Variants in PXDNL observed in about 807,000 individuals in gnomAD.
The protein encoded by PXDNL is probable oxidoreductase PXDNL.
In PXDNL, 145 loss-of-function variants were observed where a neutral mutation model predicts 150.8. That is an observed-to-expected ratio of 0.96 (90% CI 0.84 to 1.10). The LOEUF (loss-of-function observed/expected upper bound fraction) is 1.10, where lower values mean the gene tolerates loss of function less well. Ranked by LOEUF, PXDNL falls within the 50% of genes least tolerant of loss-of-function variation. The probability of loss-of-function intolerance (pLI) is 0.00; values close to 1 mark genes in which losing one functional copy is unlikely to be tolerated. For synonymous variants in PXDNL, 757 were observed against 725.7 expected, an observed-to-expected ratio of 1.04 and a Z score of -0.69; for missense variants, 2,087 against 1,873.9, an observed-to-expected ratio of 1.11 and a Z score of -2.10.
chr8:51,671,696 G>C (rs901148464), intron 1 of PXDNL, among the ~76,000 whole-genome samples: 2 of 152,162 alleles, frequency 1.3e-5, no homozygotes, highest in Admixed American at 6.5e-5. Context: ...CTCCCAGCAG[G>C]CTCTGCCAAA....
chr8:51,522,044 T>C (rs886530597), intron 4 of PXDNL, among the ~76,000 whole-genome samples: 1 of 152,172 alleles, frequency 6.6e-6, no homozygotes. Context: ...CTGGGATCTA[T>C]ACAAACAAGG....
chr8:51,711,893 G>T (rs1352373153), intron 1 of PXDNL, among the ~76,000 whole-genome samples: 1 of 152,158 alleles, frequency 6.6e-6, no homozygotes. Flanking sequence ...AACACCAGGG[G>T]TTTGTTCTAG....
intron 1 of PXDNL, among the ~76,000 whole-genome samples, chr8:51,782,035 T>G (rs2037420430): frequency 1.3e-5 from 2 of 151,840 alleles, no homozygotes; most frequent in Admixed American, 6.6e-5. Flanking sequence ...AGGTCAGGAA[T>G]TTGGACAAAA....
At chr8:51,655,337 T>C (rs1444331316) in intron 1 of PXDNL, among the ~76,000 whole-genome samples, 1 of 152,158 alleles carries the variant, frequency 6.6e-6, no homozygotes, top group Non-Finnish European at 1.5e-5. Context: ...ATGTAAATAA[T>C]TGCGTGTCAG....
chr8:51,473,692 A>G (rs561642659), intron 7 of PXDNL, among the ~76,000 whole-genome samples: 2 of 151,440 alleles, frequency 1.3e-5, no homozygotes, highest in East Asian at 3.9e-4. Flanking sequence ...ATGTATACAT[A>G]TGTAACTAAC....
intron 1 of PXDNL, among the ~76,000 whole-genome samples, chr8:51,680,676 C>A (rs1336741462): frequency 6.6e-6 from 1 of 152,148 alleles, no homozygotes. Flanking sequence ...ACAGCAGTGA[C>A]CATGGGTGCC....
intron 17 of PXDNL, among the ~76,000 whole-genome samples, chr8:51,391,628 C>T (rs1169768487): frequency 6.6e-6 from 1 of 152,070 alleles, no homozygotes; most frequent in African/African-American, 2.4e-5. Flanking sequence ...ATTGTAGATT[C>T]TGGATATTGG....
intron 19 of PXDNL, among the ~76,000 whole-genome samples, chr8:51,370,454 T>G (rs932022656): frequency 6.6e-6 from 1 of 152,206 alleles, no homozygotes; most frequent in African/African-American, 2.4e-5. Flanking sequence ...TCTCTGCTCC[T>G]CCAACATTCT....
chr8:51,428,836 T>A (rs892082478), intron 12 of PXDNL, among the ~76,000 whole-genome samples: 2 of 152,006 alleles, frequency 1.3e-5, no homozygotes, highest in Admixed American at 6.6e-5. Flanking sequence ...AGAAAAAAAA[T>A]GATAATCAGG....
intron 1 of PXDNL, among the ~76,000 whole-genome samples, chr8:51,754,796 C>A (rs188468835): frequency 6.6e-6 from 1 of 152,268 alleles, no homozygotes; most frequent in Non-Finnish European, 1.5e-5. Flanking sequence ...AACCACTGCG[C>A]CCGGCCAAAA....
chr8:51,538,903 T>C (rs1047185432), intron 4 of PXDNL, among the ~76,000 whole-genome samples: 10 of 152,220 alleles, frequency 6.6e-5, no homozygotes, highest in Admixed American at 2.0e-4. Flanking sequence ...AATGTATTTG[T>C]CTTTGCTTTT....
intron 1 of PXDNL, among the ~76,000 whole-genome samples, chr8:51,708,440 AAG>A (rs1301088013): frequency 1.3e-5 from 2 of 152,266 alleles, no homozygotes; most frequent in Admixed American, 6.5e-5. Context: ...CTAAAATAAA[AAG>A]AGAGTTCACA....
chr8:51,333,007 A>T (rs776507698), intron 21 of PXDNL, among the ~76,000 whole-genome samples: 1 of 152,198 alleles, frequency 6.6e-6, no homozygotes, highest in Non-Finnish European at 1.5e-5. Flanking sequence ...AATTCATTGC[A>T]AAAAGATCTT....
intron 1 of PXDNL, among the ~76,000 whole-genome samples, chr8:51,737,246 T>C (rs1817056898): frequency 6.6e-6 from 1 of 152,250 alleles, no homozygotes; most frequent in Non-Finnish European, 1.5e-5. Flanking sequence ...GGAAACATCA[T>C]GTATCCTCTA....
chr8:51,683,565 C>A (rs953286881), intron 1 of PXDNL, among the ~76,000 whole-genome samples: 2 of 152,030 alleles, frequency 1.3e-5, no homozygotes, highest in African/African-American at 4.8e-5. Context: ...ATCCAGAGAT[C>A]TGCTGTACAA....
chr8:51,586,404 G>T (rs1813323822), intron 3 of PXDNL, among the ~76,000 whole-genome samples: 1 of 152,196 alleles, frequency 6.6e-6, no homozygotes, highest in Non-Finnish European at 1.5e-5. Flanking sequence ...AATCATGAGA[G>T]ATAGAAATGC....
intron 2 of PXDNL, among the ~76,000 whole-genome samples, chr8:51,602,840 A>G (rs1385850342): frequency 6.6e-6 from 1 of 151,550 alleles, no homozygotes; most frequent in Non-Finnish European, 1.5e-5. Context: ...TTTATTATAC[A>G]GATGTTTTAA....
chr8:51,476,117 A>G (rs572882677), intron 6 of PXDNL, among the ~76,000 whole-genome samples: 2 of 151,668 alleles, frequency 1.3e-5, no homozygotes, highest in South Asian at 2.1e-4. Context: ...ACAAACAAAC[A>G]AAAAAGCTGT....
chr8:51,676,779 C>G (rs990866676), intron 1 of PXDNL, among the ~76,000 whole-genome samples: 3 of 152,188 alleles, frequency 2.0e-5, no homozygotes, highest in Non-Finnish European at 2.9e-5. Flanking sequence ...TTTCTCATCA[C>G]TATGTATTAT....
Sources: allele counts gnomAD v4.1 joint callset (sites outside exome capture counted in the v4.1 genomes callset), GRCh38; gene constraint gnomAD v4.1.1; transcripts MANE v1.5; gene names NCBI Gene and HGNC (gene_info 2026-07-23, HGNC 2026-07-21).